Variants in PCDH15 observed in about 807,000 individuals in gnomAD.
PCDH15 encodes the protein protocadherin related 15.
PCDH15 carries 129 observed loss-of-function variants against 178.5 expected under a neutral mutation model. That is an observed-to-expected ratio of 0.72 (90% CI 0.63 to 0.84). The LOEUF (loss-of-function observed/expected upper bound fraction) is 0.84. Ranked by LOEUF, PCDH15 falls within the 40% of genes least tolerant of loss-of-function variation. The pLI, the probability that PCDH15 is intolerant of heterozygous loss-of-function variation, is 0.00. For synonymous variants in PCDH15, 800 were observed against 732.0 expected, an observed-to-expected ratio of 1.09 and a Z score of -1.50; for missense variants, 2,230 against 2,099.9, an observed-to-expected ratio of 1.06 and a Z score of -1.21.
At chr10:55,394,563 C>G (rs1479497155) in intron 2 of PCDH15, among the ~76,000 whole-genome samples, 1 of 151,920 alleles carries the variant, frequency 6.6e-6, no homozygotes, top group Non-Finnish European at 1.5e-5. Context: ...AATTCTAGTC[C>G]TACCTTCCTA....
chr10:54,032,755 T>G (rs2093327807), intron 18 of PCDH15, among the ~76,000 whole-genome samples: 1 of 152,076 alleles, frequency 6.6e-6, no homozygotes. Context: ...GTTTTCACAA[T>G]GCTATAAATA....
At position 54,640,127 on chromosome 10, in the gene PCDH15, A is replaced by C. The variant is rs193035827; in HGVS notation, c.91+24045T>G. 2.6e-5 allele frequency among the ~76,000 whole-genome samples: 4 copies of C among 152,238 alleles called. No homozygotes were observed. The East Asian group carries it at 7.7e-4, about 29-fold the overall frequency. ...TAAATAAAAACCAGTTAGAAAACAA[A>C]ATGAGAAAATTGAGAAAAATAATTT... is the stretch of plus-strand genomic sequence containing the variant. On this transcript the variant is annotated intron_variant, in intron 2 of 37. Coordinates refer to ENST00000644397, the MANE Select transcript of PCDH15 (RefSeq NM_001384140.1).
At chr10:53,914,853 A>T (rs1240825138) in intron 25 of PCDH15, among the ~76,000 whole-genome samples, 1 of 152,190 alleles carries the variant, frequency 6.6e-6, no homozygotes, top group East Asian at 1.9e-4. Flanking sequence ...CTTTAGGAAA[A>T]TATTGACTCT....
intron 3 of PCDH15, among the ~76,000 whole-genome samples, chr10:54,840,088 G>C (rs1469826007): frequency 1.3e-5 from 2 of 151,936 alleles, no homozygotes; most frequent in African/African-American, 2.4e-5. Flanking sequence ...TGGACACTAA[G>C]TAACAACACG....
intron 20 of PCDH15, among the ~76,000 whole-genome samples, chr10:54,007,965 G>A (rs542284674): frequency 1.8e-4 from 27 of 152,212 alleles, no homozygotes; most frequent in Non-Finnish European, 2.8e-4. Context: ...TACATTTGTA[G>A]AGAACTGAGA....
intron 2 of PCDH15, among the ~76,000 whole-genome samples, chr10:55,017,760 T>A (rs1274590475): frequency 6.6e-6 from 1 of 152,008 alleles, no homozygotes; most frequent in African/African-American, 2.4e-5. Context: ...CATACAGTAA[T>A]CTTTAAGGAC....
Position 54,013,087 on chromosome 10 carries a change from T to C in PCDH15, c.2751+7105A>G, listed in dbSNP as rs114740623. ...AAAAGTCCACCAAGAAAACAGAAAA[T>C]AGAAAAAGCTGAAGTTGCTATCCAA... On this transcript the variant is annotated intron_variant, in intron 20 of 37. Coordinates refer to ENST00000644397, the MANE Select transcript of PCDH15 (RefSeq NM_001384140.1). 6.0e-3 allele frequency among the ~76,000 whole-genome samples: 888 copies of C among 149,102 alleles called. 5 individuals are homozygous for C. Among genetic ancestry groups the C allele is most frequent in the African/African-American group, 0.02 (821 of 40,634 alleles).
At chr10:54,603,557 C>T (rs1406031938) in intron 2 of PCDH15, among the ~76,000 whole-genome samples, 1 of 151,360 alleles carries the variant, frequency 6.6e-6, no homozygotes, top group Admixed American at 6.6e-5. Context: ...TCTCTCGAGG[C>T]TGTGAGACAA....
At chr10:53,837,713 T>C (rs910640188) in intron 29 of PCDH15, among the ~76,000 whole-genome samples, 3 of 151,870 alleles carry the variant, frequency 2.0e-5, no homozygotes, top group African/African-American at 7.3e-5. Flanking sequence ...ACAGAATAGA[T>C]ACCAATACTT....
intron 2 of PCDH15, among the ~76,000 whole-genome samples, chr10:54,624,161 A>G (rs1008340431): frequency 6.6e-6 from 1 of 152,152 alleles, no homozygotes; most frequent in African/African-American, 2.4e-5. Flanking sequence ...AAGTACTTAT[A>G]CACGTGTTTG....
chr10:54,651,064 GGAGAAA>G (rs2094249005), intron 2 of PCDH15, among the ~76,000 whole-genome samples: 1 of 152,038 alleles, frequency 6.6e-6, no homozygotes, highest in Non-Finnish European at 1.5e-5. Flanking sequence ...TAGGAAGGAG[GGAGAAA>G]GAGAGAGAGA....
rs140273411 is a variant in PCDH15 at position 53,878,215 on chromosome 10, AATAT to A, written c.3502-11362_3502-11359del. 6.5e-3 allele frequency among the ~76,000 whole-genome samples: 831 copies of A among 127,436 alleles called. 1 individual carries two copies. Among genetic ancestry groups the A allele is most frequent in the Non-Finnish European group, 8.4e-3 (533 of 63,300 alleles). The allele number at this position is 127,436 out of a possible 152,430, so 83.6% of individuals were successfully genotyped here. ...CACACACACACACACACACACTTTG[AATAT>A]ATATATATATATATATATATATATT... is the stretch of plus-strand genomic sequence containing the variant. On this transcript the variant is annotated intron_variant, in intron 26 of 37. Coordinates refer to ENST00000644397, the MANE Select transcript of PCDH15 (RefSeq NM_001384140.1).
chr10:55,113,672 G>A (rs915115623), intron 2 of PCDH15, among the ~76,000 whole-genome samples: 1 of 151,926 alleles, frequency 6.6e-6, no homozygotes, highest in South Asian at 2.1e-4. Flanking sequence ...GAAATTCCAG[G>A]GGCTAATCTT....
At chr10:54,397,831 A>C (rs1257799781) in intron 3 of PCDH15, among the ~76,000 whole-genome samples, 1 of 151,974 alleles carries the variant, frequency 6.6e-6, no homozygotes, top group African/African-American at 2.4e-5. Flanking sequence ...TCATTATTAC[A>C]AGGATTCTAG....
chr10:54,242,130 TTATATATATA>T (rs57729172), intron 8 of PCDH15, among the ~76,000 whole-genome samples: 902 of 31,596 alleles, frequency 0.029, 38 homozygotes, highest in Middle Eastern at 0.071. Flanking sequence ...AATTCTATTT[TTATATATATA>T]TATATATATA....
intron 1 of PCDH15, among the ~76,000 whole-genome samples, chr10:55,306,037 A>G (rs2132283308): frequency 6.6e-6 from 1 of 152,338 alleles, no homozygotes; most frequent in South Asian, 2.1e-4. Flanking sequence ...ATTAACATTG[A>G]ATTTACCAAT....
chr10:55,406,950 A>C (rs183115244), intron 2 of PCDH15, among the ~76,000 whole-genome samples: 258 of 152,304 alleles, frequency 1.7e-3, no homozygotes, highest in Middle Eastern at 3.4e-3. Context: ...CTTTTTTTAA[A>C]AAAGGAGATA....
intron 2 of PCDH15, among the ~76,000 whole-genome samples, chr10:55,497,094 T>C (rs1304203769): frequency 6.6e-6 from 1 of 151,622 alleles, no homozygotes; most frequent in Admixed American, 6.6e-5. Context: ...TGGAAAAAAT[T>C]AAAGGAGGTA....
In PCDH15 at chr10:53,811,426, G is replaced by A. The variant is rs981743834; in HGVS notation, c.4562+123C>T. 1.5e-4 allele frequency: 81 copies of A among 547,480 alleles called. 1 individual carries two copies. The highest frequency in any genetic ancestry group is 1.1e-3 in the African/African-American group (55 of 49,796). The allele number at this position is 547,480 out of a possible 1,614,324, so 33.9% of individuals were successfully genotyped here. A position where few individuals can be genotyped will look rare whatever the true frequency, so the allele number is the denominator to read the frequency against. ...AGCTAGATATACTATTCATTTTCAA[G>A]TATTATACTAGTGAGATCGACATGA... On this transcript the variant is annotated intron_variant, in intron 36 of 37. Transcript: ENST00000644397.
Sources: gnomAD v4.1 joint callset for allele counts (sites outside exome capture counted in the v4.1 genomes callset) on GRCh38, gnomAD v4.1.1 for gene constraint, MANE v1.5 for transcripts, NCBI Gene and HGNC (gene_info 2026-07-23, HGNC 2026-07-21) for gene names.